ODR4: variants seen among roughly 807,000 people sequenced by gnomAD.
ODR4 encodes the protein protein odr-4 homolog.
Under a neutral mutation model 60.2 loss-of-function variants are expected in ODR4, and 47 were observed. That is an observed-to-expected ratio of 0.78 (90% CI 0.62 to 1.00). The LOEUF (loss-of-function observed/expected upper bound fraction) is 1.00. Among genes scored for constraint, ODR4 ranks in the 50% least tolerant of loss-of-function variants. ODR4 has a pLI of 0.00. For missense variants in ODR4, 488 were observed against 530.8 expected (o/e 0.92, Z 0.79); for synonymous variants, 178 against 175.5 (o/e 1.01, Z -0.11).
At chr1:186,417,044 C>T (rs572551474) in intron 12 of ODR4, among the ~76,000 whole-genome samples, 12 of 151,874 alleles carry the variant, frequency 7.9e-5, no homozygotes, top group African/African-American at 2.2e-4. Context: ...CTCACTGTAA[C>T]CTCCGTCTCC....
chr1:186,391,733 G>T lies in ODR4; in HGVS notation c.653G>T (p.Gly218Val). The change falls in exon 8 of 14, where the codon GGT becomes GTT. Residue 218 changes from glycine to valine, a missense_variant. Transcript: ENST00000287859. Reference protein sequence around the residue: ...LTRWAKEIENGVYLINGQVKD... With the variant: ...LTRWAKEIENVVYLINGQVKD... ...CGCTGGGCCAAGGAAATAGAAAATGGTGTTTATTTGATTAATGGACAAGTT... is the reference window on the plus strand; with the variant it reads ...CGCTGGGCCAAGGAAATAGAAAATGTTGTTTATTTGATTAATGGACAAGTT... The T allele has an allele frequency of 6.2e-7, 1 of 1,605,024 alleles. No individual in the cohort carries two copies. Among genetic ancestry groups the T allele is most frequent in the Non-Finnish European group, 8.5e-7 (1 of 1,175,866 alleles).
chr1:186,387,820 A>G (rs1291075408), intron 4 of ODR4, among the ~76,000 whole-genome samples: 2 of 152,132 alleles, frequency 1.3e-5, no homozygotes, highest in African/African-American at 4.8e-5. Context: ...CACCCCTTAC[A>G]TCAAGTATGC....
At chr1:186,386,133 T>G in intron 4 of ODR4, 50 bp downstream of exon 4, 1 of 1,065,596 alleles carries the variant, frequency 9.4e-7, no homozygotes. Flanking sequence ...ATATGTTATT[T>G]TTACTGATTA....
chr1:186,409,701 A>G (rs1479875767), intron 12 of ODR4, among the ~76,000 whole-genome samples: 1 of 152,158 alleles, frequency 6.6e-6, no homozygotes, highest in African/African-American at 2.4e-5. Flanking sequence ...GCGTGCCACC[A>G]AGCCCAGCTA....
intron 12 of ODR4, among the ~76,000 whole-genome samples, chr1:186,409,733 AT>A (rs888323280): frequency 6.6e-6 from 1 of 151,922 alleles, no homozygotes; most frequent in Non-Finnish European, 1.5e-5. Flanking sequence ...GTTAATAGAG[AT>A]GGGGTTTCAG....
intron 11 of ODR4, 127 bp downstream of exon 11, chr1:186,399,171 T>G (rs1253107207): frequency 6.7e-6 from 5 of 745,276 alleles, no homozygotes; most frequent in African/African-American, 5.2e-5. Context: ...TATCATCTTT[T>G]ATTATTGGAT....
At chr1:186,391,612 A>G in intron 7 of ODR4, 84 bp from the exon 8 acceptor site, 1 of 834,066 alleles carries the variant, frequency 1.2e-6, no homozygotes, top group South Asian at 1.6e-5. Flanking sequence ...ATTTCAATTT[A>G]TTAGGTGGAA....
At chr1:186,398,917 A>G in intron 10 of ODR4, 37 bp from the exon 11 acceptor site, 4 of 1,436,814 alleles carry the variant, frequency 2.8e-6, no homozygotes, top group Non-Finnish European at 3.8e-6. Context: ...AAAGTATTTT[A>G]TTTCTTACTG....
At chr1:186,376,602 A>G in intron 1 of ODR4, among the ~76,000 whole-genome samples, 1 of 152,364 alleles carries the variant, frequency 6.6e-6, no homozygotes, top group South Asian at 2.1e-4. Context: ...TCTAAGAAAT[A>G]TAAATGGAAG....
At chr1:186,377,830 G>A (rs887298205) in intron 1 of ODR4, among the ~76,000 whole-genome samples, 2 of 152,152 alleles carry the variant, frequency 1.3e-5, no homozygotes, top group African/African-American at 4.8e-5. Flanking sequence ...CAGATCACAC[G>A]GTCAGGAGAT....
chr1:186,409,815 A>AC (rs1661305233), intron 12 of ODR4, among the ~76,000 whole-genome samples: 1 of 152,168 alleles, frequency 6.6e-6, no homozygotes, highest in East Asian at 1.9e-4. Flanking sequence ...AAGTGCTGGG[A>AC]TTACAGGTGT....
In ODR4 at chr1:186,420,907, C is replaced by G. The variant is rs1661749673; in HGVS notation, c.*1831C>G. The G allele has an allele frequency of 6.6e-6, 1 of 151,944 alleles. No homozygotes were observed. The highest frequency in any genetic ancestry group is 2.4e-5 in the African/African-American group (1 of 41,342). 9.4% of individuals were successfully genotyped at this position (151,944 alleles called of 1,614,324 possible). A position where few individuals can be genotyped will look rare whatever the true frequency, so the allele number is the denominator to read the frequency against. The stretch of plus-strand genomic sequence containing the variant: ...TAAATTCAGGAAGCACAATATATAC[C>G]AAACATATATTTAAATAAAATCCAG... On this transcript the variant is annotated 3_prime_UTR_variant, in exon 14 of 14. Transcript: ENST00000287859.
chr1:186,427,030 T>C, the ODR4 span, among the ~76,000 whole-genome samples: 2 of 152,346 alleles, frequency 1.3e-5, no homozygotes, highest in Admixed American at 1.3e-4. Context: ...TGACCTTCAG[T>C]CATAATCTTC....
chr1:186,403,413 C>T (rs1661060692), intron 11 of ODR4, among the ~76,000 whole-genome samples: 1 of 151,812 alleles, frequency 6.6e-6, no homozygotes, highest in Admixed American at 6.6e-5. Context: ...AATTTATACA[C>T]CAAATTGTTA....
At chr1:186,416,956 A>G (rs1466468238) in intron 12 of ODR4, among the ~76,000 whole-genome samples, 1 of 151,666 alleles carries the variant, frequency 6.6e-6, no homozygotes, top group African/African-American at 2.4e-5. Flanking sequence ...TAGTAAACAA[A>G]TTATTATTAT....
At position 186,419,809 on chromosome 1, in the gene ODR4, C is replaced by A. The variant is rs190044457; in HGVS notation, c.*733C>A. ...AATAGAGCACCAGAAAAATTTCTAC[C>A]AAATGAGACAACAACTTTAGGATAA... On this transcript the variant is annotated 3_prime_UTR_variant, in exon 14 of 14. Transcript: ENST00000287859. 2.0e-5 allele frequency: 3 copies of A among 152,042 alleles called. No individual in the cohort carries two copies. Among genetic ancestry groups the A allele is most frequent in the African/African-American group, 7.2e-5 (3 of 41,460 alleles). 9.4% of individuals were successfully genotyped at this position (152,042 alleles called of 1,614,324 possible). A position where few individuals can be genotyped will look rare whatever the true frequency, so the allele number is the denominator to read the frequency against.
At chr1:186,379,506 A>G (rs1243976189) in intron 1 of ODR4, among the ~76,000 whole-genome samples, 2 of 150,810 alleles carry the variant, frequency 1.3e-5, no homozygotes, top group Non-Finnish European at 2.9e-5. Context: ...CCTCTCCCTT[A>G]TCCCAGGTAT....
intron 2 of ODR4, among the ~76,000 whole-genome samples, chr1:186,380,441 C>T (rs1659979855): frequency 1.3e-5 from 2 of 152,088 alleles, no homozygotes; most frequent in African/African-American, 2.4e-5. Context: ...CTAATTTCCT[C>T]TTAGAGCTGA....
rs1357100549 is a variant in ODR4, at chr1:186,383,067, C to T, written c.145C>T (p.Pro49Ser). The T allele has an allele frequency of 5.7e-6, 9 of 1,579,056 alleles. No individual in the cohort carries two copies. ...DYVILATRTP[P>S]KEEQSENLKH... Reference sequence around the variant, plus strand: ...TGTGATTCTTGCCACTAGAACGCCACCCAAAGAGGAGCAAAGTGAGAACCT... The same window carrying T: ...TGTGATTCTTGCCACTAGAACGCCATCCAAAGAGGAGCAAAGTGAGAACCT... The change falls in exon 3 of 14, where the codon CCC becomes TCC. Residue 49 changes from proline to serine, a missense_variant. Transcript: ENST00000287859.
Sources: allele counts gnomAD v4.1 joint callset (sites outside exome capture counted in the v4.1 genomes callset), GRCh38; gene constraint gnomAD v4.1.1; transcripts MANE v1.5; gene names NCBI Gene and HGNC (gene_info 2026-07-23, HGNC 2026-07-21).